SERBP1: variants seen among roughly 807,000 people sequenced by gnomAD.
SERBP1 encodes SERPINE1 mRNA-binding protein 1.
SERBP1 carries 6 observed loss-of-function variants against 50.2 expected under a neutral mutation model. The ratio of observed to expected loss-of-function variants is 0.12; its 90% CI spans 0.07 to 0.24. SERBP1 has a LOEUF of 0.24. SERBP1 is among the 10% of genes least tolerant of loss of function. SERBP1 has a pLI of 1.00. For synonymous variants in SERBP1, 168 were observed against 182.8 expected (o/e 0.92, Z 0.65); for missense variants, 346 against 524.9 (o/e 0.66, Z 3.33).
chr1:67,427,229 G>A (rs889033364), intron 1 of SERBP1, among the ~76,000 whole-genome samples: 1 of 152,194 alleles, frequency 6.6e-6, no homozygotes, highest in Non-Finnish European at 1.5e-5. Context: ...AGTGATAGCT[G>A]AAGCATTTAC....
intron 7 of SERBP1, among the ~76,000 whole-genome samples, chr1:67,413,527 G>A (rs1666906417): frequency 6.6e-6 from 1 of 151,800 alleles, no homozygotes; most frequent in African/African-American, 2.4e-5. Flanking sequence ...GCAGGCACCT[G>A]TGATCCCACT....
At chr1:67,415,836 C>T (rs988501476) in intron 6 of SERBP1, among the ~76,000 whole-genome samples, 1 of 152,088 alleles carries the variant, frequency 6.6e-6, no homozygotes, top group African/African-American at 2.4e-5. Flanking sequence ...AGGGTAAAGA[C>T]CTTACTAGAT....
intron 6 of SERBP1, among the ~76,000 whole-genome samples, chr1:67,415,767 G>A (rs571149450): frequency 4.2e-4 from 64 of 152,220 alleles, no homozygotes; most frequent in African/African-American, 1.3e-3. Flanking sequence ...CACTAACACT[G>A]AAGTTAAAAA....
chr1:67,416,814 AAAC>A (rs1288493890), intron 6 of SERBP1, among the ~76,000 whole-genome samples: 1 of 152,234 alleles, frequency 6.6e-6, no homozygotes, highest in East Asian at 1.9e-4. Context: ...AGAAACATAA[AAAC>A]AAATTCACAA....
intron 5 of SERBP1, among the ~76,000 whole-genome samples, chr1:67,421,567 G>A (rs1019614852): frequency 6.6e-6 from 1 of 152,182 alleles, no homozygotes; most frequent in African/African-American, 2.4e-5. Context: ...ACTGAGCTAA[G>A]GATTTGCTAC....
At position 67,408,436 on chromosome 1, in the gene SERBP1, C is replaced by T. The variant is rs1666705930; in HGVS notation, c.*4771G>A. ...TACATACTAACTCAAAAAAATAATT[C>T]GGTAAATCATTTTCTAACTTGTGTG... On this transcript the variant is annotated 3_prime_UTR_variant, in exon 8 of 8. Coordinates refer to ENST00000361219, the MANE Select transcript of SERBP1 (RefSeq NM_001018069.2). The T allele has an allele frequency of 6.6e-6, 1 of 152,056 alleles. No homozygotes were observed. The highest frequency in any genetic ancestry group is 2.4e-5 in the African/African-American group (1 of 41,390). The allele number at this position is 152,056 out of a possible 1,614,324, so 9.4% of individuals were successfully genotyped here. A position where few individuals can be genotyped will look rare whatever the true frequency, so the allele number is the denominator to read the frequency against.
chr1:67,423,806 G>A, intron 5 of SERBP1, among the ~76,000 whole-genome samples: 1 of 152,074 alleles, frequency 6.6e-6, no homozygotes, highest in Non-Finnish European at 1.5e-5. Context: ...TATGACAATG[G>A]TAAAATGACT....
intron 4 of SERBP1, among the ~76,000 whole-genome samples, chr1:67,424,678 G>C (rs995312385): frequency 1.3e-5 from 2 of 151,784 alleles, no homozygotes; most frequent in Non-Finnish European, 2.9e-5. Flanking sequence ...ATATGGGGGG[G>C]AAAAAATGAG....
At chr1:67,421,421 T>C (rs1557504326) in intron 5 of SERBP1, among the ~76,000 whole-genome samples, 2 of 152,170 alleles carry the variant, frequency 1.3e-5, no homozygotes, top group South Asian at 4.1e-4. Flanking sequence ...AGTCAGCCAA[T>C]GTTGTGTTTC....
At chr1:67,425,891 G>C (rs1471163124) in intron 2 of SERBP1, among the ~76,000 whole-genome samples, 2 of 152,192 alleles carry the variant, frequency 1.3e-5, no homozygotes, top group Non-Finnish European at 2.9e-5. Flanking sequence ...TATTGCAGGA[G>C]GACAGCTTGA....
At chr1:67,418,716 G>A (rs1667108800) in intron 6 of SERBP1, among the ~76,000 whole-genome samples, 1 of 151,838 alleles carries the variant, frequency 6.6e-6, no homozygotes, top group South Asian at 2.1e-4. Flanking sequence ...CAGAGATGGT[G>A]CCACTGCATT....
At chr1:67,422,148 T>C (rs1033296654) in intron 5 of SERBP1, among the ~76,000 whole-genome samples, 1 of 152,160 alleles carries the variant, frequency 6.6e-6, no homozygotes, top group Non-Finnish European at 1.5e-5. Context: ...TTTTTCCTTA[T>C]CCCAACAAAT....
Position 67,419,278 on chromosome 1 carries a change from C to T in SERBP1, c.951+731G>A, listed in dbSNP as rs575050223. 5.0e-4 allele frequency among the ~76,000 whole-genome samples: 76 copies of T among 152,262 alleles called. 1 individual carries two copies. In the South Asian group the frequency reaches 6.4e-3, roughly 13 times the overall value. ...TACTGTAAAAACACAGTATATAATA[C>T]GCAACATACAAAATGTGTTAACTGG... is the stretch of plus-strand genomic sequence containing the variant. On this transcript the variant is annotated intron_variant, in intron 6 of 7. Transcript: ENST00000361219.
chr1:67,430,193 G>A lies in SERBP1; in HGVS notation c.108C>T (p.Asn36=), dbSNP rs888611601. Residue 36 remains asparagine, a synonymous_variant, in exon 1 of 8, where the codon AAC becomes AAT. Transcript: ENST00000361219. ...DPFEVLKAAE[N]KKKEAGGGGV... ...CGCCCCCGCCGGCTTCTTTTTTCTTGTTCTCTGCTGCCTTCAGCACCTCGA... is the reference window on the plus strand; with the variant it reads ...CGCCCCCGCCGGCTTCTTTTTTCTTATTCTCTGCTGCCTTCAGCACCTCGA... 6.2e-7 allele frequency: 1 copy of A among 1,610,674 alleles called. No individual in the cohort carries two copies. The highest frequency in any genetic ancestry group is 1.3e-5 in the African/African-American group (1 of 74,712).
intron 5 of SERBP1, among the ~76,000 whole-genome samples, chr1:67,421,391 T>A (rs1376671925): frequency 6.6e-6 from 1 of 152,196 alleles, no homozygotes; most frequent in Non-Finnish European, 1.5e-5. Flanking sequence ...CTGGAAGCTA[T>A]ATATAAGTTA....
chr1:67,420,778 A>G (rs1355057738), intron 5 of SERBP1, among the ~76,000 whole-genome samples: 1 of 152,238 alleles, frequency 6.6e-6, no homozygotes, highest in Non-Finnish European at 1.5e-5. Flanking sequence ...CAACCTGTAT[A>G]TGGAAAGGAG....
intron 6 of SERBP1, among the ~76,000 whole-genome samples, chr1:67,416,197 T>C (rs930228728): frequency 8.5e-5 from 13 of 152,110 alleles, no homozygotes; most frequent in Non-Finnish European, 1.9e-4. Context: ...GTATTTTTTA[T>C]AGACAGGTTT....
intron 5 of SERBP1, among the ~76,000 whole-genome samples, chr1:67,420,787 A>C (rs1024426496): frequency 8.5e-5 from 13 of 152,230 alleles, no homozygotes; most frequent in Admixed American, 8.5e-4. Context: ...TATGGAAAGG[A>C]GGCCATGGAT....
At chr1:67,423,464 G>A (rs1285096877) in intron 5 of SERBP1, among the ~76,000 whole-genome samples, 2 of 151,444 alleles carry the variant, frequency 1.3e-5, no homozygotes, top group African/African-American at 2.4e-5. Context: ...AAAATTAGCC[G>A]GGCCTGGTGG....
Sources: gnomAD v4.1 joint callset for allele counts (sites outside exome capture counted in the v4.1 genomes callset) on GRCh38, gnomAD v4.1.1 for gene constraint, MANE v1.5 for transcripts, NCBI Gene and HGNC (gene_info 2026-07-23, HGNC 2026-07-21) for gene names.